CHN1: variants seen among roughly 807,000 people sequenced by gnomAD.
The protein encoded by CHN1 is N-chimaerin.
A neutral mutation model predicts 59.5 loss-of-function variants in CHN1; 37 were observed. That is an observed-to-expected ratio of 0.62 (90% CI 0.48 to 0.82). CHN1 has a LOEUF of 0.82. Among genes scored for constraint, CHN1 ranks in the 40% least tolerant of loss-of-function variants. The probability of loss-of-function intolerance (pLI) is 0.00; values close to 1 mark genes in which losing one functional copy is unlikely to be tolerated. For synonymous variants in CHN1, 206 were observed against 200.4 expected (o/e 1.03, Z -0.24); for missense variants, 469 against 571.0 (o/e 0.82, Z 1.82).
intron 5 of CHN1, 111 bp downstream of exon 5, chr2:174,914,947 C>T (rs1403649471): frequency 3.5e-6 from 2 of 572,984 alleles, no homozygotes; most frequent in Non-Finnish European, 6.0e-6. Context: ...AATTAGATCC[C>T]AAGAAAACAA....
intron 1 of CHN1, among the ~76,000 whole-genome samples, chr2:174,984,365 GCTTT>G (rs1278638468): frequency 1.4e-5 from 2 of 139,220 alleles, no homozygotes; most frequent in African/African-American, 5.5e-5. Flanking sequence ...TGTTTTATAA[GCTTT>G]TTTTTTTTTT....
At chr2:174,867,621 T>C (rs1014810821) in intron 6 of CHN1, among the ~76,000 whole-genome samples, 3 of 152,136 alleles carry the variant, frequency 2.0e-5, no homozygotes, top group Admixed American at 2.0e-4. Flanking sequence ...TCTTGTTCAT[T>C]ACATAATGAA....
At chr2:174,888,871 AG>A (rs1687967093) in intron 5 of CHN1, among the ~76,000 whole-genome samples, 1 of 152,248 alleles carries the variant, frequency 6.6e-6, no homozygotes, top group Non-Finnish European at 1.5e-5. Context: ...GATGGTTTGC[AG>A]CAGCAAAAGA....
intron 1 of CHN1, among the ~76,000 whole-genome samples, chr2:174,967,778 A>G (rs551209122): frequency 1.3e-5 from 2 of 152,324 alleles, no homozygotes; most frequent in South Asian, 4.1e-4. Flanking sequence ...CTTTTCTTAA[A>G]AGAAAAATTG....
In CHN1 at chr2:174,812,355, C is replaced by T; in HGVS notation, c.840G>A (p.Lys280=). 6.2e-7 allele frequency: 1 copy of T among 1,613,980 alleles called. No homozygotes were observed. Among genetic ancestry groups the T allele is most frequent in the Non-Finnish European group, 8.5e-7 (1 of 1,179,872 alleles). The change falls in exon 9 of 13, where the codon AAG becomes AAA. Residue 280 remains lysine (K), a synonymous_variant. Transcript: ENST00000409900. ...LTTLVKAHTT[K]RPMVVDMCIR... Reference sequence around the variant, plus strand: ...TGCACATGTCTACCACCATTGGCCGCTTAGTGGTATGTGCTTTCACGAGCG... The same window carrying T: ...TGCACATGTCTACCACCATTGGCCGTTTAGTGGTATGTGCTTTCACGAGCG...
At chr2:174,966,608 T>C (rs1292970009) in intron 1 of CHN1, among the ~76,000 whole-genome samples, 1 of 152,214 alleles carries the variant, frequency 6.6e-6, no homozygotes, top group Non-Finnish European at 1.5e-5. Context: ...AAAGTCCTTC[T>C]GCTTACTCAA....
At position 174,858,762 on chromosome 2, in the gene CHN1, T is replaced by C. The variant is rs1056654130; in HGVS notation, c.550-11805A>G. Among the ~76,000 whole-genome samples the C allele has an allele frequency of 7.2e-5, 11 of 152,056 alleles. 1 individual carries two copies. The East Asian group carries it at 7.7e-4, about 11-fold the overall frequency. On this transcript the variant is annotated intron_variant, in intron 6 of 12. Transcript: ENST00000409900. ...GATAGTCATTAGGTTCTTATTTTTA[T>C]ACAGACTGTGTCCCATATGGAACTC... is the stretch of plus-strand genomic sequence containing the variant.
chr2:175,001,744 G>A (rs1023374914), intron 1 of CHN1, among the ~76,000 whole-genome samples: 2 of 152,190 alleles, frequency 1.3e-5, no homozygotes, highest in African/African-American at 4.8e-5. Flanking sequence ...ATAAACCACA[G>A]CCCCATTAAG....
At chr2:174,884,343 A>C (rs1687830174) in intron 5 of CHN1, among the ~76,000 whole-genome samples, 1 of 152,104 alleles carries the variant, frequency 6.6e-6, no homozygotes, top group Non-Finnish European at 1.5e-5. Context: ...ATAACTCAAA[A>C]AATTTTATTA....
At chr2:174,844,734 T>G (rs1686449283) in intron 7 of CHN1, among the ~76,000 whole-genome samples, 1 of 152,158 alleles carries the variant, frequency 6.6e-6, no homozygotes, top group Admixed American at 6.6e-5. Flanking sequence ...CCTTTCTTAT[T>G]TTTTATAGTG....
At chr2:174,897,144 C>T (rs1688241364) in intron 5 of CHN1, among the ~76,000 whole-genome samples, 2 of 152,106 alleles carry the variant, frequency 1.3e-5, no homozygotes, top group African/African-American at 4.8e-5. Flanking sequence ...CAACCTTATG[C>T]TCTTTCTTAT....
At chr2:174,946,280 T>C (rs967811573) in intron 2 of CHN1, among the ~76,000 whole-genome samples, 1 of 152,212 alleles carries the variant, frequency 6.6e-6, no homozygotes, top group East Asian at 1.9e-4. Flanking sequence ...ACATAGGTGA[T>C]TGATATTAAT....
In CHN1 at chr2:174,799,924, C is replaced by A. The variant is rs1176545807; in HGVS notation, c.*192G>T. ...GATAAACACCCAGGATTACTAGAAC[C>A]AGAAAGCGTGTGTTCACTGTTTTAC... On this transcript the variant is annotated 3_prime_UTR_variant, in exon 13 of 13. Coordinates refer to ENST00000409900, the MANE Select transcript of CHN1 (RefSeq NM_001822.7). 1 of 679,250 alleles carries A rather than the reference C, an allele frequency of 1.5e-6. No individual in the cohort carries two copies. The highest frequency in any genetic ancestry group is 2.0e-5 in the Admixed American group (1 of 49,098). 42.1% of individuals were successfully genotyped at this position (679,250 alleles called of 1,614,324 possible).
In CHN1 at chr2:174,936,995, T is replaced by C. The variant is rs547175123; in HGVS notation, c.114+7893A>G. ...TAAAAAAATCATTTATATTTTAGTG[T>C]CCACAATAGCAACTGGCAAGATTTT... On this transcript the variant is annotated intron_variant, in intron 3 of 12. Coordinates refer to ENST00000409900, the MANE Select transcript of CHN1 (RefSeq NM_001822.7). Among the ~76,000 whole-genome samples the C allele has an allele frequency of 2.6e-5, 4 of 152,300 alleles. No individual in the cohort carries two copies. In the South Asian group the frequency reaches 6.2e-4, roughly 24 times the overall value.
intron 8 of CHN1, among the ~76,000 whole-genome samples, chr2:174,814,284 G>C (rs1280534642): frequency 7.3e-6 from 1 of 136,394 alleles, no homozygotes; most frequent in Non-Finnish European, 1.6e-5. Flanking sequence ...CCAGGACAAA[G>C]AGCTCAATCT....
chr2:174,905,954 C>G (rs1322277388), intron 5 of CHN1, among the ~76,000 whole-genome samples: 3 of 152,044 alleles, frequency 2.0e-5, no homozygotes, highest in Non-Finnish European at 4.4e-5. Context: ...TGTCTATATT[C>G]AAAGAGATAT....
intron 5 of CHN1, among the ~76,000 whole-genome samples, chr2:174,883,991 G>A (rs1209427885): frequency 4.6e-5 from 6 of 130,592 alleles, no homozygotes; most frequent in Admixed American, 8.4e-5. Flanking sequence ...TTTTTTAGAC[G>A]TAGTCTCGCT....
intron 2 of CHN1, among the ~76,000 whole-genome samples, chr2:174,948,404 G>T (rs1439979106): frequency 6.6e-6 from 1 of 152,066 alleles, no homozygotes; most frequent in African/African-American, 2.4e-5. Context: ...TACATGTAAG[G>T]TTCCTGGTTT....
At chr2:174,978,890 G>A (rs961885396) in intron 1 of CHN1, among the ~76,000 whole-genome samples, 5 of 152,110 alleles carry the variant, frequency 3.3e-5, no homozygotes, top group Non-Finnish European at 5.9e-5. Context: ...AGTGACTGAA[G>A]AGAAAACAAA....
Sources: allele counts gnomAD v4.1 joint callset (sites outside exome capture counted in the v4.1 genomes callset), GRCh38; gene constraint gnomAD v4.1.1; transcripts MANE v1.5; gene names NCBI Gene and HGNC (gene_info 2026-07-23, HGNC 2026-07-21).